CEBPZOS: variants seen among roughly 807,000 people sequenced by gnomAD.
CEBPZOS encodes the protein CEBPZ opposite strand.
Under a neutral mutation model 4.8 loss-of-function variants are expected in CEBPZOS, and 10 were observed. That is an observed-to-expected ratio of 2.07 (90% CI 1.28 to 3.52). CEBPZOS has a LOEUF of 3.52. Among genes scored for constraint, CEBPZOS ranks in the 30% most tolerant of loss-of-function variants. The pLI, the probability that CEBPZOS is intolerant of heterozygous loss-of-function variation, is 0.00. For synonymous variants in CEBPZOS, 25 were observed against 14.2 expected (o/e 1.77, Z -1.72); for missense variants, 98 against 43.6 (o/e 2.25, Z -3.51).
At position 37,211,988 on chromosome 2, in the gene CEBPZOS, A is replaced by C. The variant is rs754257607; in HGVS notation, c.*3-1449A>C. 4.8e-5 allele frequency: 77 copies of C among 1,611,844 alleles called. No homozygotes were observed. Among genetic ancestry groups the C allele is most frequent in the Non-Finnish European group, 5.9e-5 (69 of 1,179,434 alleles). On this transcript the variant is annotated intron_variant, in intron 4 of 4. Transcript: ENST00000397064. ...CAAGTTCATCATCACTACCTTCTGA[A>C]TCTTCATCTAATGTGTTATCCTTAG...
At chr2:37,214,909 T>A (rs142303398), downstream of CEBPZOS, 126 of 1,610,376 alleles carry the variant, frequency 7.8e-5, no homozygotes, top group African/African-American at 1.5e-3. Context: ...CTTCATCCAC[T>A]GGTATTTGGC....
At chr2:37,211,925 C>T in intron 4 of CEBPZOS, 2 of 1,613,564 alleles carry the variant, frequency 1.2e-6, no homozygotes, top group Non-Finnish European at 1.7e-6. Context: ...CTTCATCATC[C>T]ATACTTCCTA....
chr2:37,204,932 C>T (rs1677480017), downstream of CEBPZOS, among the ~76,000 whole-genome samples: 1 of 152,032 alleles, frequency 6.6e-6, no homozygotes, highest in Non-Finnish European at 1.5e-5. Context: ...TTCCTTTTAC[C>T]AGCATCTTTT....
At chr2:37,214,980 C>A, downstream of CEBPZOS, 1 of 1,384,328 alleles carries the variant, frequency 7.2e-7, no homozygotes, top group Non-Finnish European at 1.0e-6. Context: ...AACATTTTAA[C>A]TTCATATAGC....
chr2:37,212,097 T>G, intron 4 of CEBPZOS: 1 of 1,436,658 alleles, frequency 7.0e-7, no homozygotes, highest in Non-Finnish European at 9.4e-7. Flanking sequence ...AAGTAGTGTT[T>G]TGCTGACTAC....
At chr2:37,207,838 C>T (rs183052455), downstream of CEBPZOS, among the ~76,000 whole-genome samples, 580 of 151,922 alleles carry the variant, frequency 3.8e-3, 6 homozygotes, top group South Asian at 9.6e-3. Flanking sequence ...GCAAACACTA[C>T]AAAAGATAAA....
At chr2:37,199,648 T>C (rs1282318033) in intron 1 of CEBPZOS, 56 bp from the exon 2 acceptor site, 3 of 690,016 alleles carry the variant, frequency 4.3e-6, no homozygotes, top group Non-Finnish European at 2.7e-6. Context: ...AGAGAAATGA[T>C]AATAGTAGTT....
At chr2:37,214,838 T>C (rs768511014), downstream of CEBPZOS, 3 of 1,205,188 alleles carry the variant, frequency 2.5e-6, no homozygotes, top group Admixed American at 1.9e-5. Context: ...AATCTAAAAA[T>C]TTAAATTTTA....
rs1270016054 is a variant in CEBPZOS, at chr2:37,201,722, T to C, written c.241T>C (p.Ter81GlnextTer45). The change falls in exon 4 of 5, where the codon TAG (stop) becomes CAG (glutamine). Residue 81 changes from the stop codon to glutamine (Q), a stop_lost. Coordinates refer to ENST00000402297, the MANE Select transcript of CEBPZOS (RefSeq NM_001322374.2). ...DQKTWLNSKN[*>Q] ...AAAAACATGGTTGAACAGCAAAAAT[T>C]AGATGTAAGTAGAATTTTAATCTAT... 1 of 1,169,944 alleles carries C rather than the reference T, an allele frequency of 8.5e-7. No homozygotes were observed. The highest frequency in any genetic ancestry group is 1.3e-6 in the Non-Finnish European group (1 of 797,120). The allele number at this position is 1,169,944 out of a possible 1,614,324, so 72.5% of individuals were successfully genotyped here.
chr2:37,201,583 ATTTAAT>A (rs1309271718), intron 3 of CEBPZOS, 53 bp from the exon 4 acceptor site: 2 of 661,640 alleles, frequency 3.0e-6, no homozygotes, highest in African/African-American at 1.8e-5. Context: ...TTTTCAATAC[ATTTAAT>A]TTTAACAATG....
downstream of CEBPZOS, among the ~76,000 whole-genome samples, chr2:37,205,885 G>A (rs978552049): frequency 2.6e-5 from 4 of 152,178 alleles, no homozygotes; most frequent in African/African-American, 9.6e-5. Flanking sequence ...TTAGCAGAAA[G>A]AAGAGTTCGT....
At chr2:37,197,067 C>T (rs1404978670) in intron 1 of CEBPZOS, among the ~76,000 whole-genome samples, 1 of 152,232 alleles carries the variant, frequency 6.6e-6, no homozygotes, top group Non-Finnish European at 1.5e-5. Context: ...GAGTCAGCGT[C>T]TCAGCCCCGT....
At chr2:37,215,133 C>A (rs967934495), downstream of CEBPZOS, among the ~76,000 whole-genome samples, 7 of 152,036 alleles carry the variant, frequency 4.6e-5, no homozygotes, top group African/African-American at 1.7e-4. Flanking sequence ...TGTGAAGACC[C>A]CCCCAACATT....
At chr2:37,205,537 T>C (rs1423200767), downstream of CEBPZOS, among the ~76,000 whole-genome samples, 11 of 150,480 alleles carry the variant, frequency 7.3e-5, no homozygotes, top group Admixed American at 6.6e-4. Context: ...CTTCACTGAC[T>C]CTCTTTTCGG....
At chr2:37,215,245 G>T, downstream of CEBPZOS, 1 of 238,312 alleles carries the variant, frequency 4.2e-6, no homozygotes. Flanking sequence ...TTGCATCCAG[G>T]ACCCAACTTT....
chr2:37,204,466 TG>T lies in CEBPZOS; in HGVS notation c.*2610del, dbSNP rs1304131028. The stretch of plus-strand genomic sequence containing the variant: ...CTAATTTTTGTATTTTTAGTAGAGA[TG>T]GGGTTTCATCATGTTGGCCAGGATG... On this transcript the variant is annotated 3_prime_UTR_variant, in exon 5 of 5. Transcript: ENST00000402297. The T allele has an allele frequency of 6.8e-6, 1 of 146,166 alleles. No homozygotes were observed. The highest frequency in any genetic ancestry group is 1.5e-5 in the Non-Finnish European group (1 of 65,824). The allele number at this position is 146,166 out of a possible 1,614,324, so 9.1% of individuals were successfully genotyped here.
chr2:37,199,302 CT>C (rs1281606693), intron 1 of CEBPZOS, among the ~76,000 whole-genome samples: 1 of 152,076 alleles, frequency 6.6e-6, no homozygotes, highest in Non-Finnish European at 1.5e-5. Context: ...AAAGATCTTA[CT>C]TTTGTACGGC....
chr2:37,212,554 T>C, intron 4 of CEBPZOS: 2 of 602,800 alleles, frequency 3.3e-6, no homozygotes, highest in Non-Finnish European at 5.8e-6. Flanking sequence ...TAATAATGTA[T>C]ACAAACCTGT....
chr2:37,210,898 G>A lies in CEBPZOS; in HGVS notation c.*3-2539G>A, dbSNP rs1677700613. ...CTTAAAAAGAACCCCCCCCACCCCT[G>A]AATTTTATTAATCAAATTTAGGAGA... On this transcript the variant is annotated intron_variant, in intron 4 of 4. Transcript: ENST00000397064. 1.2e-5 allele frequency: 8 copies of A among 667,562 alleles called. No individual in the cohort carries two copies. The East Asian group carries it at 2.6e-4, about 21-fold the overall frequency. The allele number at this position is 667,562 out of a possible 1,614,324, so 41.4% of individuals were successfully genotyped here.
Sources: gnomAD v4.1 joint callset for allele counts (sites outside exome capture counted in the v4.1 genomes callset) on GRCh38, gnomAD v4.1.1 for gene constraint, MANE v1.5 for transcripts, NCBI Gene and HGNC (gene_info 2026-07-23, HGNC 2026-07-21) for gene names.